ATXN1: variants seen among roughly 807,000 people sequenced by gnomAD.
The protein encoded by ATXN1 is ataxin-1.
ATXN1 carries 8 observed loss-of-function variants against 56.4 expected under a neutral mutation model. The observed-to-expected ratio is 0.14, with a 90% CI of 0.08 to 0.26. ATXN1 has a LOEUF of 0.26. ATXN1 is among the 10% of genes least tolerant of loss of function. ATXN1 has a pLI of 1.00. For synonymous variants in ATXN1, 514 were observed against 494.6 expected (o/e 1.04, Z -0.52); for missense variants, 987 against 1,106.5 (o/e 0.89, Z 1.53).
chr6:16,727,322 T>C (rs1759871858), intron 2 of ATXN1, among the ~76,000 whole-genome samples: 1 of 152,102 alleles, frequency 6.6e-6, no homozygotes, highest in Non-Finnish European at 1.5e-5. Context: ...AGAGAAAAAA[T>C]GGAAATAAAT....
At chr6:16,647,100 G>A (rs1763812311) in intron 3 of ATXN1, among the ~76,000 whole-genome samples, 2 of 152,070 alleles carry the variant, frequency 1.3e-5, no homozygotes, top group African/African-American at 4.8e-5. Context: ...CACCTCCCAG[G>A]TTCAAGCAAT....
intron 2 of ATXN1, among the ~76,000 whole-genome samples, chr6:16,713,977 T>C (rs186700556): frequency 6.6e-6 from 1 of 152,122 alleles, no homozygotes; most frequent in Non-Finnish European, 1.5e-5. Context: ...GGCCAACATG[T>C]GAAATCTCGT....
intron 6 of ATXN1, among the ~76,000 whole-genome samples, chr6:16,414,322 G>A (rs59430691): frequency 0.13 from 19,776 of 152,200 alleles, 1,361 homozygotes; most frequent in Admixed American, 0.15. Flanking sequence ...GAGTGAGGTC[G>A]TAATGCTTAT....
intron 2 of ATXN1, among the ~76,000 whole-genome samples, chr6:16,690,989 A>G (rs991716674): frequency 1.3e-5 from 2 of 152,246 alleles, no homozygotes; most frequent in African/African-American, 2.4e-5. Context: ...AAGGGAGATA[A>G]GAAGGAAGAC....
chr6:16,551,503 T>C (rs889822675), intron 4 of ATXN1, among the ~76,000 whole-genome samples: 1 of 152,126 alleles, frequency 6.6e-6, no homozygotes, highest in African/African-American at 2.4e-5. Flanking sequence ...TGTATGTGTG[T>C]GGGGAGACAG....
chr6:16,536,758 A>G (rs1404252589), intron 4 of ATXN1, among the ~76,000 whole-genome samples: 2 of 152,240 alleles, frequency 1.3e-5, no homozygotes, highest in Non-Finnish European at 2.9e-5. Context: ...ATAATAGACA[A>G]AAGGCCAATG....
intron 2 of ATXN1, among the ~76,000 whole-genome samples, chr6:16,679,256 A>G (rs1012817715): frequency 2.7e-5 from 4 of 149,372 alleles, no homozygotes; most frequent in African/African-American, 7.5e-5. Context: ...GGGTGGATGG[A>G]TGGATGGATG....
intron 3 of ATXN1, among the ~76,000 whole-genome samples, chr6:16,627,967 G>T (rs1272399341): frequency 6.6e-6 from 1 of 152,184 alleles, no homozygotes. Flanking sequence ...GATCAAAGAT[G>T]TTAATGAGCC....
At chr6:16,346,976 G>A (rs935725863) in intron 6 of ATXN1, among the ~76,000 whole-genome samples, 3 of 152,156 alleles carry the variant, frequency 2.0e-5, no homozygotes, top group Non-Finnish European at 4.4e-5. Flanking sequence ...CGCACTCGGA[G>A]CAGCGGCGGA....
chr6:16,595,858 T>G (rs1301033074), intron 3 of ATXN1, among the ~76,000 whole-genome samples: 2 of 152,258 alleles, frequency 1.3e-5, no homozygotes, highest in Non-Finnish European at 2.9e-5. Flanking sequence ...TCACACTGTT[T>G]TAATTAAGTA....
chr6:16,581,998 C>T (rs895774743), intron 4 of ATXN1, among the ~76,000 whole-genome samples: 3 of 152,146 alleles, frequency 2.0e-5, no homozygotes, highest in African/African-American at 7.2e-5. Context: ...ATGAGTAGCC[C>T]GATGATCTTT....
chr6:16,328,727 G>C lies in ATXN1; in HGVS notation c.-160-257C>G, dbSNP rs1418301414. On this transcript the variant is annotated intron_variant, in intron 6 of 7. Transcript: ENST00000436367. This position sits in a 1 kb window ranked among gnomAD's most constrained non-coding sequence, Gnocchi z 6.2. Reference sequence around the variant, plus strand: ...AGATTAAGACCATCCTGGCTAACATGGTGAAACCCCGTCTCTACCAAAAAT... The same window carrying C: ...AGATTAAGACCATCCTGGCTAACATCGTGAAACCCCGTCTCTACCAAAAAT... Among the ~76,000 whole-genome samples, 1 of 152,084 alleles carries C rather than the reference G, an allele frequency of 6.6e-6. No individual in the cohort carries two copies. Among genetic ancestry groups the C allele is most frequent in the Non-Finnish European group, 1.5e-5 (1 of 68,018 alleles).
rs908930137 is a variant in ATXN1, at chr6:16,625,355, T to G, written c.-489+32421A>C. Among the ~76,000 whole-genome samples, 3 of 152,194 alleles carry G rather than the reference T, an allele frequency of 2.0e-5. No individual in the cohort carries two copies. In the East Asian group the frequency reaches 5.8e-4, roughly 29 times the overall value. ...AACCTGTATATGATTTTTCCATCAT[T>G]AAGAATCTTCAACAGTCCCAGATGC... On this transcript the variant is annotated intron_variant, in intron 3 of 7. Transcript: ENST00000436367.
intron 6 of ATXN1, among the ~76,000 whole-genome samples, chr6:16,353,051 G>C (rs1290400783): frequency 6.6e-6 from 1 of 152,174 alleles, no homozygotes; most frequent in Non-Finnish European, 1.5e-5. Context: ...TCACGTCTGC[G>C]TTAGGATGGG....
At chr6:16,702,799 T>C (rs1375284840) in intron 2 of ATXN1, among the ~76,000 whole-genome samples, 2 of 152,196 alleles carry the variant, frequency 1.3e-5, no homozygotes, top group African/African-American at 4.8e-5. Flanking sequence ...TCACACCAGT[T>C]AGAATGGCAA....
intron 6 of ATXN1, among the ~76,000 whole-genome samples, chr6:16,412,032 G>A (rs1044748895): frequency 6.6e-6 from 1 of 152,182 alleles, no homozygotes; most frequent in South Asian, 2.1e-4. Context: ...CCAAGTGCAT[G>A]AAGTACTGTA....
chr6:16,427,383 C>T (rs560687509), intron 6 of ATXN1, among the ~76,000 whole-genome samples: 8 of 152,206 alleles, frequency 5.3e-5, no homozygotes, highest in East Asian at 3.9e-4. Context: ...TTGCCCACGG[C>T]GGAGGGAGCA....
chr6:16,743,807 T>A (rs1030055172), intron 2 of ATXN1, among the ~76,000 whole-genome samples: 2 of 152,130 alleles, frequency 1.3e-5, no homozygotes, highest in African/African-American at 2.4e-5. Context: ...AAGAACAACA[T>A]GTCTAAAGGC....
At chr6:16,494,096 CA>C (rs1730387095) in intron 5 of ATXN1, among the ~76,000 whole-genome samples, 1 of 11,234 alleles carries the variant, frequency 8.9e-5, no homozygotes. Context: ...ATCTCCAGTG[CA>C]GGGCTGGACT....
Sources: allele counts gnomAD v4.1 joint callset (sites outside exome capture counted in the v4.1 genomes callset), GRCh38; gene constraint gnomAD v4.1.1; non-coding constraint Gnocchi (gnomAD v3.1); transcripts MANE v1.5; gene names NCBI Gene and HGNC (gene_info 2026-07-23, HGNC 2026-07-21).